The following PDE9A variants were observed in gnomAD, a reference collection of about 807,000 sequenced individuals.
PDE9A encodes the protein phosphodiesterase 9A, also known as high affinity cGMP-specific 3',5'-cyclic phosphodiesterase 9A.
In PDE9A, 60 loss-of-function variants were observed where a neutral mutation model predicts 87.4. The observed-to-expected ratio is 0.69, with a 90% CI of 0.56 to 0.85. The LOEUF (loss-of-function observed/expected upper bound fraction) is 0.85. Among genes scored for constraint, PDE9A ranks in the 40% least tolerant of loss-of-function variants. The pLI, the probability that PDE9A is intolerant of heterozygous loss-of-function variation, is 0.00. For synonymous variants in PDE9A, 272 were observed against 279.4 expected (o/e 0.97, Z 0.27); for missense variants, 665 against 779.0 (o/e 0.85, Z 1.74).
At chr21:42,691,150 GCCCCTTCACCAT>G (rs2059810902) in intron 3 of PDE9A, among the ~76,000 whole-genome samples, 1 of 144,396 alleles carries the variant, frequency 6.9e-6, no homozygotes, top group East Asian at 2.1e-4. Flanking sequence ...AGAGTCACCA[GCCCCTTCACCAT>G]CACCATCCAA....
At chr21:42,683,128 G>A (rs2059259060) in intron 1 of PDE9A, among the ~76,000 whole-genome samples, 1 of 152,224 alleles carries the variant, frequency 6.6e-6, no homozygotes, top group Non-Finnish European at 1.5e-5. Context: ...AAAAAGTAAA[G>A]CGTTCCTCAC....
At chr21:42,681,744 C>G (rs1044225846) in intron 1 of PDE9A, among the ~76,000 whole-genome samples, 1 of 152,224 alleles carries the variant, frequency 6.6e-6, no homozygotes, top group Non-Finnish European at 1.5e-5. Flanking sequence ...TAAGCTCCAG[C>G]CCTGACTCGC....
intron 3 of PDE9A, chr21:42,697,312 C>A: frequency 1.4e-6 from 1 of 723,794 alleles, no homozygotes; most frequent in South Asian, 1.7e-5. Context: ...AAAGATTTTC[C>A]ACGTTACCTG....
At chr21:42,762,986 C>A (rs556294817) in intron 14 of PDE9A, among the ~76,000 whole-genome samples, 1 of 152,350 alleles carries the variant, frequency 6.6e-6, no homozygotes, top group South Asian at 2.1e-4. Flanking sequence ...AGCCACCACG[C>A]CCGGCCACCC....
At chr21:42,689,517 C>T in intron 3 of PDE9A, 3 of 985,232 alleles carry the variant, frequency 3.0e-6, no homozygotes, top group Non-Finnish European at 3.6e-6. Flanking sequence ...AAAATGATCT[C>T]TCAGAGGGGA....
chr21:42,760,727 T>G lies in PDE9A; in HGVS notation c.1003-98T>G. ...GATGCCAGATGGCTGCAGGGGCCTTTGTCCCCCGCTTACCACTCACCCAAT... is the reference window on the plus strand; with the variant it reads ...GATGCCAGATGGCTGCAGGGGCCTTGGTCCCCCGCTTACCACTCACCCAAT... On this transcript the variant is annotated intron_variant, in intron 12 of 19. Coordinates refer to ENST00000291539, the MANE Select transcript of PDE9A (RefSeq NM_002606.3). This position sits in a 1 kb window ranked among gnomAD's most constrained non-coding sequence, Gnocchi z 5.2. The G allele has an allele frequency of 1.3e-6, 1 of 762,212 alleles. No individual in the cohort carries two copies. The highest frequency in any genetic ancestry group is 2.0e-5 in the Admixed American group (1 of 51,152). The allele number at this position is 762,212 out of a possible 1,614,324, so 47.2% of individuals were successfully genotyped here.
chr21:42,726,522 G>A (rs952682686), intron 4 of PDE9A, among the ~76,000 whole-genome samples: 3 of 143,920 alleles, frequency 2.1e-5, no homozygotes, highest in Admixed American at 7.0e-5. Context: ...GTTGGCCTGC[G>A]GATATCTAAT....
At chr21:42,708,013 G>A (rs1429633487) in intron 4 of PDE9A, among the ~76,000 whole-genome samples, 1 of 152,176 alleles carries the variant, frequency 6.6e-6, no homozygotes, top group African/African-American at 2.4e-5. Context: ...CGGAGGACTG[G>A]CTGTGTCTGC....
chr21:42,737,864 T>C (rs1009832927), intron 7 of PDE9A, among the ~76,000 whole-genome samples: 2 of 152,258 alleles, frequency 1.3e-5, no homozygotes, highest in African/African-American at 4.8e-5. Context: ...TTCCTGCTTC[T>C]TCTTAAATGT....
intron 1 of PDE9A, among the ~76,000 whole-genome samples, chr21:42,683,044 T>C (rs2059255498): frequency 6.6e-6 from 1 of 152,228 alleles, no homozygotes; most frequent in Non-Finnish European, 1.5e-5. Context: ...AGGTGACTGA[T>C]AGCTTAAGAA....
intron 10 of PDE9A, chr21:42,757,660 C>T (rs1789859665): frequency 6.6e-6 from 1 of 151,904 alleles, no homozygotes; most frequent in Non-Finnish European, 1.5e-5. Flanking sequence ...GGGCCTCGGT[C>T]CCTGGTGTGG....
intron 1 of PDE9A, among the ~76,000 whole-genome samples, chr21:42,657,724 G>C (rs193186513): frequency 6.6e-6 from 1 of 152,212 alleles, no homozygotes; most frequent in Non-Finnish European, 1.5e-5. Context: ...CTGTGGGCTC[G>C]GGTGTGGTGA....
intron 17 of PDE9A, 97 bp from the exon 18 acceptor site, chr21:42,770,606 A>G: frequency 3.5e-6 from 3 of 868,790 alleles, no homozygotes; most frequent in Non-Finnish European, 3.8e-6. Flanking sequence ...ACTGGCCCAG[A>G]GGTTTCCGCA....
At position 42,722,627 on chromosome 21, in the gene PDE9A, G is replaced by A. The variant is rs1293822598; in HGVS notation, c.263-9143G>A. Reference sequence around the variant, plus strand: ...TAGGGGCCAGCATGTTCTATTGCTAGGGCCATGTGTGCATTCGTTTGCCTA... The same window carrying A: ...TAGGGGCCAGCATGTTCTATTGCTAAGGCCATGTGTGCATTCGTTTGCCTA... On this transcript the variant is annotated intron_variant, in intron 4 of 19. Transcript: ENST00000291539. This position sits in a 1 kb window ranked among gnomAD's most constrained non-coding sequence, Gnocchi z 4.1. 6.6e-6 allele frequency among the ~76,000 whole-genome samples: 1 copy of A among 152,164 alleles called. No individual in the cohort carries two copies.
intron 2 of PDE9A, 66 bp downstream of exon 2, chr21:42,686,328 G>A: frequency 7.5e-7 from 1 of 1,326,004 alleles, no homozygotes. Flanking sequence ...CGGGATGGCT[G>A]GGAGGGGCGG....
Position 42,739,776 on chromosome 21 carries a change from T to C in PDE9A, c.569-4000T>C, listed in dbSNP as rs114436635. On this transcript the variant is annotated intron_variant, in intron 7 of 19. Coordinates refer to ENST00000291539, the MANE Select transcript of PDE9A (RefSeq NM_002606.3). The surrounding 1 kb of genome is among the most constrained non-coding windows in gnomAD (Gnocchi z 4.1). ...ACCCATCAAAAACCATGAGCTGGCT[T>C]AAAACAGAGCCTTGTATGGACATGG... Among the ~76,000 whole-genome samples the C allele has an allele frequency of 7.4e-3, 1,125 of 152,176 alleles. 16 individuals carry two copies. Among genetic ancestry groups the C allele is most frequent in the African/African-American group, 0.025 (1,046 of 41,518 alleles).
rs2048735337 is a variant in PDE9A at position 42,705,369 on chromosome 21, GTGT to G, written c.262+6363_262+6365del. Among the ~76,000 whole-genome samples, 1 of 152,186 alleles carries G rather than the reference GTGT, an allele frequency of 6.6e-6. No individual in the cohort carries two copies. The highest frequency in any genetic ancestry group is 2.4e-5 in the African/African-American group (1 of 41,450). On this transcript the variant is annotated intron_variant, in intron 4 of 19. Transcript: ENST00000291539. The surrounding 1 kb of genome is among the most constrained non-coding windows in gnomAD (Gnocchi z 4.3). ...GATGTAAGCCGCTCAAACTCAAAGAGTGTTGTTTTCCAGATTATAAAACACAGA... is the reference window on the plus strand; with the variant it reads ...GATGTAAGCCGCTCAAACTCAAAGAGTGTTTTCCAGATTATAAAACACAGA...
intron 14 of PDE9A, among the ~76,000 whole-genome samples, chr21:42,763,308 T>C (rs2056016048): frequency 6.6e-6 from 1 of 152,186 alleles, no homozygotes; most frequent in Non-Finnish European, 1.5e-5. Context: ...TTTGTACTTG[T>C]TAAGATTTCC....
rs2051796718 is a variant in PDE9A, at chr21:42,731,821, C to T, written c.314C>T (p.Pro105Leu). The part of the protein sequence containing the change: ...TTSRGQSAER[P>L]LRDRRVVGLE... Reference sequence around the variant, plus strand: ...AGCCGTGGCCAGTCTGCTGAGAGACCACTGAGGGACAGACGGGTTGTGGGC... The same window carrying T: ...AGCCGTGGCCAGTCTGCTGAGAGACTACTGAGGGACAGACGGGTTGTGGGC... The change falls in exon 5 of 20, where the codon CCA becomes CTA. Residue 105 changes from proline to leucine, a missense_variant. Pro to Leu is a moderately conservative substitution (Grantham distance 98). Coordinates refer to ENST00000291539, the MANE Select transcript of PDE9A (RefSeq NM_002606.3). 5.0e-6 allele frequency: 8 copies of T among 1,614,066 alleles called. No homozygotes were observed. Among genetic ancestry groups the T allele is most frequent in the Non-Finnish European group, 6.8e-6 (8 of 1,180,032 alleles).
Sources: allele counts gnomAD v4.1 joint callset (sites outside exome capture counted in the v4.1 genomes callset), GRCh38; gene constraint gnomAD v4.1.1; non-coding constraint Gnocchi (gnomAD v3.1); transcripts MANE v1.5; gene names NCBI Gene and HGNC (gene_info 2026-07-23, HGNC 2026-07-21).